GABRB3: variants seen among roughly 807,000 people sequenced by gnomAD.
GABRB3 encodes gamma-aminobutyric acid receptor subunit beta-3.
In GABRB3, 14 loss-of-function variants were observed where a neutral mutation model predicts 52.1. The ratio of observed to expected loss-of-function variants is 0.27; its 90% CI spans 0.18 to 0.42. GABRB3 has a LOEUF of 0.42. Among genes scored for constraint, GABRB3 ranks in the 10% least tolerant of loss-of-function variants. GABRB3 has a pLI of 1.00. For synonymous variants in GABRB3, 260 were observed against 232.3 expected (o/e 1.12, Z -1.08); for missense variants, 307 against 609.1 (o/e 0.50, Z 5.22).
At chr15:26,611,876 C>CT (rs34846625) in intron 4 of GABRB3, 1 of 152,110 alleles carries the variant, frequency 6.6e-6, no homozygotes, top group East Asian at 1.9e-4. Context: ...TTGACAATTC[C>CT]TTTTTAATAG....
chr15:26,660,709 A>C (rs1469321113), intron 3 of GABRB3, among the ~76,000 whole-genome samples: 1 of 152,190 alleles, frequency 6.6e-6, no homozygotes, highest in East Asian at 1.9e-4. Context: ...TGTGAGCCTC[A>C]GTTTCCCCAC....
intron 3 of GABRB3, among the ~76,000 whole-genome samples, chr15:26,728,627 T>C (rs1889832539): frequency 6.6e-6 from 1 of 152,200 alleles, no homozygotes; most frequent in Non-Finnish European, 1.5e-5. Context: ...AGAGATACAC[T>C]TAAAGTGCCT....
At chr15:26,565,903 T>G (rs945919983) in intron 7 of GABRB3, among the ~76,000 whole-genome samples, 4 of 152,202 alleles carry the variant, frequency 2.6e-5, no homozygotes, top group African/African-American at 9.6e-5. Context: ...ACTTTGTATT[T>G]GTATATTTCA....
chr15:26,761,050 C>T (rs988857577), intron 3 of GABRB3, among the ~76,000 whole-genome samples: 3 of 152,086 alleles, frequency 2.0e-5, no homozygotes, highest in African/African-American at 7.2e-5. Context: ...CATCTGCCCC[C>T]GAGCTACTAT....
At chr15:26,583,773 C>A (rs9672915) in intron 4 of GABRB3, among the ~76,000 whole-genome samples, 9,257 of 146,210 alleles carry the variant, frequency 0.063, 951 homozygotes, top group African/African-American at 0.22. Context: ...TGTATTGTAT[C>A]ACCTATTTTT....
intron 4 of GABRB3, among the ~76,000 whole-genome samples, chr15:26,609,698 T>C (rs1278396861): frequency 6.6e-6 from 1 of 152,214 alleles, no homozygotes; most frequent in Non-Finnish European, 1.5e-5. Flanking sequence ...TATGTTATTT[T>C]TAAGTTCTAT....
At chr15:26,612,639 G>A (rs1262662097) in intron 4 of GABRB3, 1 of 152,216 alleles carries the variant, frequency 6.6e-6, no homozygotes, top group Non-Finnish European at 1.5e-5. Flanking sequence ...GACATGCCAT[G>A]TTCACGCAAG....
Position 26,731,491 on chromosome 15 carries a change from C to T in GABRB3, c.240+40911G>A, listed in dbSNP as rs184272875. On this transcript the variant is annotated intron_variant, in intron 3 of 8. Transcript: ENST00000311550. Reference sequence around the variant, plus strand: ...GCACCTCAGTGGTTCTTTCTGGTACCCACATGGAAAGTAGAGTAGACATAC... The same window carrying T: ...GCACCTCAGTGGTTCTTTCTGGTACTCACATGGAAAGTAGAGTAGACATAC... Among the ~76,000 whole-genome samples the T allele has an allele frequency of 2.8e-3, 427 of 152,244 alleles. 3 individuals carry two copies. Among genetic ancestry groups the T allele is most frequent in the African/African-American group, 9.6e-3 (400 of 41,528 alleles).
intron 3 of GABRB3, chr15:26,772,064 G>C (rs1002201997): frequency 4.9e-5 from 13 of 266,694 alleles, no homozygotes; most frequent in Admixed American, 1.1e-4. Context: ...TGCTAAGGAG[G>C]CGAGACAGCG....
At chr15:26,618,207 A>C (rs1030722681) in intron 4 of GABRB3, among the ~76,000 whole-genome samples, 10 of 152,180 alleles carry the variant, frequency 6.6e-5, no homozygotes, top group Admixed American at 1.3e-4. Flanking sequence ...CACATCGCCA[A>C]GTCAATCCTA....
chr15:26,642,874 A>AT (rs1252259936), intron 3 of GABRB3, among the ~76,000 whole-genome samples: 1 of 152,140 alleles, frequency 6.6e-6, no homozygotes, highest in African/African-American at 2.4e-5. Flanking sequence ...TAAAAGAAAT[A>AT]TGTCATGGAC....
Position 26,560,846 on chromosome 15 carries a change from G to GAA in GABRB3, c.1080+84_1080+85dup, listed in dbSNP as rs1889953511. The GAA allele has an allele frequency of 2.5e-6, 4 of 1,588,196 alleles. No homozygotes were observed. The East Asian group carries it at 8.9e-5, about 35-fold the overall frequency. On this transcript the variant is annotated intron_variant, in intron 8 of 8. Coordinates refer to ENST00000311550, the MANE Select transcript of GABRB3 (RefSeq NM_000814.6). ...GTGTGGCTTGACATACACTACTGGG[G>GAA]AAAAAACAAAGAAATATCATGCAAG...
chr15:26,712,035 C>G (rs973339376), intron 3 of GABRB3, among the ~76,000 whole-genome samples: 1 of 152,080 alleles, frequency 6.6e-6, no homozygotes, highest in Non-Finnish European at 1.5e-5. Context: ...GGCAAGGACC[C>G]TGGGTGGGCA....
intron 3 of GABRB3, among the ~76,000 whole-genome samples, chr15:26,697,411 T>A (rs543424949): frequency 6.6e-6 from 1 of 152,210 alleles, no homozygotes; most frequent in Admixed American, 6.5e-5. Context: ...ATCAGCACAA[T>A]CTGTTCAATG....
chr15:26,629,084 T>G, intron 3 of GABRB3: 1 of 1,535,912 alleles, frequency 6.5e-7, no homozygotes, highest in East Asian at 2.4e-5. Flanking sequence ...AACCGGAAGT[T>G]GTGACTGTCG....
intron 3 of GABRB3, among the ~76,000 whole-genome samples, chr15:26,768,021 T>TA (rs563940454): frequency 6.6e-6 from 1 of 151,822 alleles, no homozygotes; most frequent in South Asian, 2.1e-4. Context: ...ACCTACACAT[T>TA]AAAAAAATGG....
intron 3 of GABRB3, chr15:26,625,500 GGA>G: frequency 1.0e-6 from 1 of 985,154 alleles, no homozygotes; most frequent in Middle Eastern, 5.2e-4. Context: ...TGCATGGGAT[GGA>G]GAGTCTGTCA....
chr15:26,679,794 G>A (rs1466575726), intron 3 of GABRB3, among the ~76,000 whole-genome samples: 1 of 152,080 alleles, frequency 6.6e-6, no homozygotes, highest in East Asian at 1.9e-4. Context: ...TCCTGGGGCT[G>A]GGACCCACTG....
At chr15:26,773,591 C>G, upstream of GABRB3, 1 of 1,449,434 alleles carries the variant, frequency 6.9e-7, no homozygotes, top group South Asian at 1.2e-5. Context: ...CGCCGGACTG[C>G]GGGCCGCCGC....
Sources: gnomAD v4.1 joint callset for allele counts (sites outside exome capture counted in the v4.1 genomes callset) on GRCh38, gnomAD v4.1.1 for gene constraint, MANE v1.5 for transcripts, NCBI Gene and HGNC (gene_info 2026-07-23, HGNC 2026-07-21) for gene names.